The following WWOX variants were observed in gnomAD, a reference collection of about 807,000 sequenced individuals.
WWOX encodes the protein WW domain-containing oxidoreductase.
A neutral mutation model predicts 46.2 loss-of-function variants in WWOX; 69 were observed. That is an observed-to-expected ratio of 1.49 (90% CI 1.23 to 1.82). WWOX has a LOEUF of 1.82. Among genes scored for constraint, WWOX ranks in the 40% most tolerant of loss-of-function variants. WWOX has a pLI of 0.00. For missense variants in WWOX, 919 were observed against 542.6 expected (o/e 1.69, Z -6.89); for synonymous variants, 359 against 202.6 (o/e 1.77, Z -6.56).
intron 5 of WWOX, among the ~76,000 whole-genome samples, chr16:78,176,935 A>G (rs2035366915): frequency 6.6e-6 from 1 of 152,222 alleles, no homozygotes; most frequent in Non-Finnish European, 1.5e-5. Context: ...AGATATGTAC[A>G]TGGTGCTACT....
intron 8 of WWOX, among the ~76,000 whole-genome samples, chr16:78,613,161 C>A (rs1337748260): frequency 6.6e-6 from 1 of 152,156 alleles, no homozygotes; most frequent in East Asian, 1.9e-4. Context: ...GAGGACTCCC[C>A]TCCATGCCTT....
intron 8 of WWOX, among the ~76,000 whole-genome samples, chr16:79,146,027 C>T (rs2050176834): frequency 6.6e-6 from 1 of 152,264 alleles, no homozygotes; most frequent in Non-Finnish European, 1.5e-5. Flanking sequence ...AGATTATTTT[C>T]TAACCCTTAG....
chr16:78,571,834 C>G (rs900275627), intron 8 of WWOX, among the ~76,000 whole-genome samples: 1 of 152,152 alleles, frequency 6.6e-6, no homozygotes, highest in African/African-American at 2.4e-5. Flanking sequence ...CCACTATACT[C>G]TAGCCTGGGC....
At chr16:78,729,341 C>CA (rs34485602) in intron 8 of WWOX, among the ~76,000 whole-genome samples, 5,893 of 142,728 alleles carry the variant, frequency 0.041, 208 homozygotes, top group African/African-American at 0.1. Flanking sequence ...GACCCTGCCT[C>CA]AAAAAAAAAA....
chr16:78,447,586 C>G (rs187200674), intron 8 of WWOX, among the ~76,000 whole-genome samples: 1 of 152,144 alleles, frequency 6.6e-6, no homozygotes, highest in Non-Finnish European at 1.5e-5. Context: ...CCCTTAGACT[C>G]CATTGTTCCA....
chr16:78,882,255 C>A (rs16948735), intron 8 of WWOX, among the ~76,000 whole-genome samples: 38,402 of 152,114 alleles, frequency 0.25, 5,124 homozygotes, highest in Middle Eastern at 0.38. Flanking sequence ...TTTTCAAAGT[C>A]TTTGACAATT....
intron 5 of WWOX, among the ~76,000 whole-genome samples, chr16:78,328,864 C>T (rs574908163): frequency 8.1e-5 from 12 of 148,408 alleles, no homozygotes; most frequent in Middle Eastern, 6.8e-3. Context: ...TTTCTTTTCT[C>T]TTCTCTTCTT....
rs189077379 is a variant in WWOX, at chr16:79,057,967, C to T, written c.1057-153641C>T. Among the ~76,000 whole-genome samples, 426 of 152,262 alleles carry T rather than the reference C, an allele frequency of 2.8e-3. 3 individuals carry two copies. The highest frequency in any genetic ancestry group is 0.01 in the African/African-American group (418 of 41,558). On this transcript the variant is annotated intron_variant, in intron 8 of 8. Transcript: ENST00000566780. ...AAATCATTCAAATCGCTGTTTGCTT[C>T]TTCTCGGGCTCTTATTCAAGCTCAC...
At chr16:78,726,137 TTTTCTCTTTCTCTC>T (rs2048830010) in intron 8 of WWOX, among the ~76,000 whole-genome samples, 1 of 110,352 alleles carries the variant, frequency 9.1e-6, no homozygotes, top group African/African-American at 3.3e-5. Flanking sequence ...CCCTCTCTCT[TTTTCTCTTTCTCTC>T]TTTCTCTTTC....
Position 78,469,113 on chromosome 16 carries a change from A to G in WWOX, c.1056+36361A>G, listed in dbSNP as rs2084158454. Among the ~76,000 whole-genome samples the G allele has an allele frequency of 2.0e-5, 3 of 152,176 alleles. No individual in the cohort carries two copies. The South Asian group carries it at 6.2e-4, about 32-fold the overall frequency. Reference sequence around the variant, plus strand: ...AAATACTCAAATGCCATTGAGTCAGATTTCAGAGGCAAATGGTGATACCTC... The same window carrying G: ...AAATACTCAAATGCCATTGAGTCAGGTTTCAGAGGCAAATGGTGATACCTC... On this transcript the variant is annotated intron_variant, in intron 8 of 8. Transcript: ENST00000566780.
At chr16:78,850,294 A>G (rs1055924738) in intron 8 of WWOX, among the ~76,000 whole-genome samples, 2 of 152,198 alleles carry the variant, frequency 1.3e-5, no homozygotes, top group Non-Finnish European at 2.9e-5. Flanking sequence ...ATTTTCCCCT[A>G]TGAATGAGTT....
intron 8 of WWOX, among the ~76,000 whole-genome samples, chr16:78,686,059 A>C (rs1190927773): frequency 6.6e-6 from 1 of 152,216 alleles, no homozygotes; most frequent in Non-Finnish European, 1.5e-5. Flanking sequence ...AGGAAAAGAA[A>C]GTGCAAGTAG....
chr16:78,904,964 A>T (rs6564622), intron 8 of WWOX, among the ~76,000 whole-genome samples: 2 of 152,176 alleles, frequency 1.3e-5, no homozygotes, highest in African/African-American at 4.8e-5. Context: ...TCCCATCCTT[A>T]TCCTACCTCC....
rs566679978 is a variant in WWOX at position 78,547,036 on chromosome 16, G to A, written c.1056+114284G>A. On this transcript the variant is annotated intron_variant, in intron 8 of 8. Transcript: ENST00000566780. ...CCAGCTACTTGGGAGGCTGAGGTTCGAGGGTTGCTTGAGCCTGGGAGGTCA... is the reference window on the plus strand; with the variant it reads ...CCAGCTACTTGGGAGGCTGAGGTTCAAGGGTTGCTTGAGCCTGGGAGGTCA... Among the ~76,000 whole-genome samples the A allele has an allele frequency of 4.0e-3, 601 of 150,762 alleles. 3 individuals carry two copies. Among genetic ancestry groups the A allele is most frequent in the Non-Finnish European group, 6.7e-3 (455 of 67,756 alleles).
intron 8 of WWOX, among the ~76,000 whole-genome samples, chr16:78,983,207 T>C (rs1048410858): frequency 6.6e-6 from 1 of 152,152 alleles, no homozygotes; most frequent in African/African-American, 2.4e-5. Context: ...AGCTGAAACA[T>C]AGACCACGGA....
intron 5 of WWOX, among the ~76,000 whole-genome samples, chr16:78,360,722 G>C (rs946530523): frequency 4.3e-5 from 5 of 116,754 alleles, no homozygotes; most frequent in East Asian, 2.0e-4. Context: ...AACTATACTT[G>C]TTACTCAAAT....
intron 8 of WWOX, among the ~76,000 whole-genome samples, chr16:78,630,251 G>A (rs989424302): frequency 6.6e-6 from 1 of 152,176 alleles, no homozygotes; most frequent in Non-Finnish European, 1.5e-5. Flanking sequence ...CACTGTTGCT[G>A]TGTGGGAAAG....
rs541743148 is a variant in WWOX at position 78,556,537 on chromosome 16, A to G, written c.1056+123785A>G. On this transcript the variant is annotated intron_variant, in intron 8 of 8. Coordinates refer to ENST00000566780, the MANE Select transcript of WWOX (RefSeq NM_016373.4). ...ATTAGAGTACAATTATAAAGTATCT[A>G]CAATGGAAATGGGTCTTGAAATCAA... 7.9e-5 allele frequency among the ~76,000 whole-genome samples: 12 copies of G among 152,256 alleles called. No individual in the cohort carries two copies. In the East Asian group the frequency reaches 2.1e-3, roughly 27 times the overall value.
chr16:79,025,278 A>T (rs1247160377), intron 8 of WWOX, among the ~76,000 whole-genome samples: 1 of 152,176 alleles, frequency 6.6e-6, no homozygotes, highest in East Asian at 1.9e-4. Flanking sequence ...TAAAGGCCTG[A>T]GTTAAGACAG....
Sources: gnomAD v4.1 joint callset for allele counts (sites outside exome capture counted in the v4.1 genomes callset) on GRCh38, gnomAD v4.1.1 for gene constraint, MANE v1.5 for transcripts, NCBI Gene and HGNC (gene_info 2026-07-23, HGNC 2026-07-21) for gene names.